The following HS3ST3A1 variants were observed in gnomAD, a reference collection of about 807,000 sequenced individuals.
HS3ST3A1 encodes heparan sulfate glucosamine 3-O-sulfotransferase 3A1.
HS3ST3A1 carries 19 observed loss-of-function variants against 25.7 expected under a neutral mutation model. That is an observed-to-expected ratio of 0.74 (90% CI 0.52 to 1.08). The LOEUF is 1.08. HS3ST3A1 is among the 50% of genes least tolerant of loss of function. The pLI is 0.00. For missense variants in HS3ST3A1, 459 were observed against 594.3 expected (o/e 0.77, Z 2.37); for synonymous variants, 226 against 278.6 (o/e 0.81, Z 1.88).
At chr17:13,584,963 C>G (rs1165995412) in intron 1 of HS3ST3A1, among the ~76,000 whole-genome samples, 5 of 152,100 alleles carry the variant, frequency 3.3e-5, no homozygotes, top group Admixed American at 3.3e-4. Flanking sequence ...CAAAAGCCCA[C>G]CTGGCTTCAA....
chr17:13,544,003 A>G (rs1363741924), intron 1 of HS3ST3A1, among the ~76,000 whole-genome samples: 1 of 152,218 alleles, frequency 6.6e-6, no homozygotes, highest in Non-Finnish European at 1.5e-5. Flanking sequence ...TTAAAAAGAA[A>G]GTACAGTTTT....
intron 1 of HS3ST3A1, among the ~76,000 whole-genome samples, chr17:13,564,600 T>C (rs1347761677): frequency 6.6e-6 from 1 of 152,168 alleles, no homozygotes; most frequent in Non-Finnish European, 1.5e-5. Context: ...TTAGAATTTG[T>C]ATTACTTTTT....
intron 1 of HS3ST3A1, among the ~76,000 whole-genome samples, chr17:13,586,090 G>A (rs901835249): frequency 1.5e-4 from 22 of 151,138 alleles, no homozygotes; most frequent in African/African-American, 1.9e-4. Context: ...CTCATGATCC[G>A]CCCGCCTCAG....
At position 13,600,824 on chromosome 17, in the gene HS3ST3A1, G is replaced by C; in HGVS notation, c.306C>G (p.Pro102=). ...CCTCCTCGCCGTCGTCGCGGGGCGC[G>C]GGCGGCCGGCGCCTCCGCCACTGCG... ...QLPQWRRRRP[P]APRDDGEEAA... The change falls in exon 1 of 2, where the codon CCC becomes CCG. Residue 102 remains proline (P), a synonymous_variant. Transcript: ENST00000284110. 7.1e-7 allele frequency: 1 copy of C among 1,413,150 alleles called. No individual in the cohort carries two copies. The highest frequency in any genetic ancestry group is 9.1e-7 in the Non-Finnish European group (1 of 1,096,428). The allele number at this position is 1,413,150 out of a possible 1,614,324, so 87.5% of individuals were successfully genotyped here.
At chr17:13,556,961 G>T (rs1233901245) in intron 1 of HS3ST3A1, among the ~76,000 whole-genome samples, 1 of 151,968 alleles carries the variant, frequency 6.6e-6, no homozygotes, top group East Asian at 1.9e-4. Context: ...CCTCAGGACA[G>T]CGAACAGATT....
chr17:13,526,474 T>TATATATATATATATATATATA, intron 1 of HS3ST3A1, among the ~76,000 whole-genome samples: 1 of 76,296 alleles, frequency 1.3e-5, no homozygotes, highest in East Asian at 4.0e-4. Context: ...ACTTTAATTT[T>TATATATATATATATATATATA]TATATATATA....
chr17:13,499,472 A>G (rs1302492629), intron 1 of HS3ST3A1, among the ~76,000 whole-genome samples: 2 of 152,188 alleles, frequency 1.3e-5, no homozygotes, highest in African/African-American at 2.4e-5. Context: ...AAAAGCCATC[A>G]TTACTTTCTC....
intron 1 of HS3ST3A1, among the ~76,000 whole-genome samples, chr17:13,568,787 G>A (rs1301046700): frequency 1.3e-5 from 2 of 151,990 alleles, no homozygotes; most frequent in Admixed American, 6.6e-5. Context: ...AAAATCACTC[G>A]GAACAGCTTC....
intron 1 of HS3ST3A1, among the ~76,000 whole-genome samples, chr17:13,549,418 C>A (rs964471827): frequency 6.6e-6 from 1 of 152,204 alleles, no homozygotes; most frequent in African/African-American, 2.4e-5. Context: ...GGAATAAATT[C>A]GGGACACAAT....
chr17:13,596,424 C>T (rs1245518226), intron 1 of HS3ST3A1, among the ~76,000 whole-genome samples: 2 of 135,332 alleles, frequency 1.5e-5, no homozygotes, highest in Admixed American at 7.2e-5. Flanking sequence ...TGCGTACACA[C>T]ACACACACAC....
intron 1 of HS3ST3A1, among the ~76,000 whole-genome samples, chr17:13,576,639 T>C (rs1907954709): frequency 6.6e-6 from 1 of 152,230 alleles, no homozygotes. Flanking sequence ...TGTGGACATA[T>C]CTGGAAGATC....
rs775127289 is a variant in HS3ST3A1 at position 13,600,974 on chromosome 17, G to C, written c.156C>G (p.Pro52=). ...LAERCQTLSG[P]VVGLSGGGEE... ...CGCCGCCGCCGGACAGCCCCACGACGGGGCCGGACAGGGTCTGGCAGCGCT... is the reference window on the plus strand; with the variant it reads ...CGCCGCCGCCGGACAGCCCCACGACCGGGCCGGACAGGGTCTGGCAGCGCT... The change falls in exon 1 of 2, where the codon CCC becomes CCG. Residue 52 remains proline (P), a synonymous_variant. Coordinates refer to ENST00000284110, the MANE Select transcript of HS3ST3A1 (RefSeq NM_006042.3). 3.2e-5 allele frequency: 50 copies of C among 1,557,180 alleles called. No individual in the cohort carries two copies. In the South Asian group the frequency reaches 5.2e-4, roughly 16 times the overall value.
chr17:13,585,869 T>TTGA lies in HS3ST3A1; in HGVS notation c.599+14661_599+14662insTCA, dbSNP rs1567630423. 3.8e-5 allele frequency among the ~76,000 whole-genome samples: 4 copies of TTGA among 104,908 alleles called. 1 individual carries two copies. Among genetic ancestry groups the TTGA allele is most frequent in the Non-Finnish European group, 5.8e-5 (3 of 51,302 alleles). 68.8% of individuals were successfully genotyped at this position (104,908 alleles called of 152,430 possible). ...TTTTTTTTTTTTTTTTTTTTTTTTC[T>TTGA]GACAGAGTCTCGCTCTGTCGCCCAG... On this transcript the variant is annotated intron_variant, in intron 1 of 1. Coordinates refer to ENST00000284110, the MANE Select transcript of HS3ST3A1 (RefSeq NM_006042.3).
chr17:13,530,048 G>C (rs905180749), intron 1 of HS3ST3A1, among the ~76,000 whole-genome samples: 5 of 150,984 alleles, frequency 3.3e-5, no homozygotes, highest in Admixed American at 2.6e-4. Context: ...ACGGGTTGGG[G>C]TGGGCATATA....
chr17:13,522,002 C>T (rs574513588), intron 1 of HS3ST3A1, among the ~76,000 whole-genome samples: 1 of 152,324 alleles, frequency 6.6e-6, no homozygotes, highest in East Asian at 1.9e-4. Flanking sequence ...CTGCTAGTGT[C>T]TCCAGACGTG....
intron 1 of HS3ST3A1, among the ~76,000 whole-genome samples, chr17:13,542,195 C>T (rs955417416): frequency 1.3e-5 from 2 of 151,866 alleles, no homozygotes; most frequent in South Asian, 2.1e-4. Flanking sequence ...GGCATGGTGG[C>T]GTGCACCTGC....
At chr17:13,580,012 A>G (rs1908070088) in intron 1 of HS3ST3A1, among the ~76,000 whole-genome samples, 1 of 151,860 alleles carries the variant, frequency 6.6e-6, no homozygotes, top group African/African-American at 2.4e-5. Context: ...TAGGTTAAAA[A>G]CAAAACAAAA....
In HS3ST3A1 at chr17:13,494,953, C is replaced by CAA. The variant is rs1905228519; in HGVS notation, c.*1242_*1243dup. 6.6e-6 allele frequency among the ~76,000 whole-genome samples: 1 copy of CAA among 152,030 alleles called. No homozygotes were observed. The highest frequency in any genetic ancestry group is 1.5e-5 in the Non-Finnish European group (1 of 67,996). On this transcript the variant is annotated 3_prime_UTR_variant, in exon 2 of 2. Transcript: ENST00000284110. ...GAAGTGGGAGGGGGGAATAAAGTGA[C>CAA]AAAATGATAGTCCTCCATCCATGAA...
At chr17:13,585,843 T>C (rs9747144) in intron 1 of HS3ST3A1, among the ~76,000 whole-genome samples, 51,546 of 90,752 alleles carry the variant, frequency 0.57, 15,770 homozygotes, top group East Asian at 0.76. Flanking sequence ...CTTCTGCGTT[T>C]TTTTTTTTTT....
Sources: gnomAD v4.1 joint callset for allele counts (sites outside exome capture counted in the v4.1 genomes callset) on GRCh38, gnomAD v4.1.1 for gene constraint, MANE v1.5 for transcripts, NCBI Gene and HGNC (gene_info 2026-07-23, HGNC 2026-07-21) for gene names.